The following CLSTN2 variants were observed in gnomAD, a reference collection of about 807,000 sequenced individuals.
The protein encoded by CLSTN2 is calsyntenin 2.
Under a neutral mutation model 101.2 loss-of-function variants are expected in CLSTN2, and 48 were observed. That is an observed-to-expected ratio of 0.47 (90% CI 0.38 to 0.60). CLSTN2 has a LOEUF of 0.60. CLSTN2 is among the 20% of genes least tolerant of loss of function. CLSTN2 has a pLI of 0.00. For synonymous variants in CLSTN2, 481 were observed against 463.6 expected (o/e 1.04, Z -0.48); for missense variants, 1,160 against 1,238.2 (o/e 0.94, Z 0.95).
chr3:139,950,814 C>G (rs926362591), intron 1 of CLSTN2, among the ~76,000 whole-genome samples: 1 of 152,134 alleles, frequency 6.6e-6, no homozygotes, highest in African/African-American at 2.4e-5. Context: ...CCCAACCATA[C>G]AAAAGGAAGT....
chr3:140,065,433 A>C (rs1465826479), intron 1 of CLSTN2, among the ~76,000 whole-genome samples: 2 of 152,228 alleles, frequency 1.3e-5, no homozygotes, highest in African/African-American at 2.4e-5. Flanking sequence ...GTTCAAATGC[A>C]ATTTTAACAG....
At chr3:140,427,962 A>G (rs1311633908) in intron 5 of CLSTN2, among the ~76,000 whole-genome samples, 1 of 152,134 alleles carries the variant, frequency 6.6e-6, no homozygotes, top group East Asian at 1.9e-4. Flanking sequence ...CTGGAGAAGG[A>G]CCTGCATCCC....
intron 2 of CLSTN2, among the ~76,000 whole-genome samples, chr3:140,334,314 A>T (rs919585313): frequency 1.3e-5 from 2 of 152,236 alleles, no homozygotes; most frequent in Non-Finnish European, 2.9e-5. Flanking sequence ...AGCCACTGAG[A>T]AATGACACAT....
intron 1 of CLSTN2, among the ~76,000 whole-genome samples, chr3:140,135,230 A>G (rs2009597962): frequency 6.7e-6 from 1 of 149,272 alleles, no homozygotes; most frequent in African/African-American, 2.5e-5. Context: ...AAAGACTTTC[A>G]TATCTTAGTA....
At chr3:140,451,479 G>T (rs1035875897) in intron 6 of CLSTN2, among the ~76,000 whole-genome samples, 1 of 152,076 alleles carries the variant, frequency 6.6e-6, no homozygotes, top group African/African-American at 2.4e-5. Context: ...CCATGGCACT[G>T]CCCCCCACAC....
chr3:140,469,893 C>A (rs925073435), intron 8 of CLSTN2, among the ~76,000 whole-genome samples: 2 of 152,172 alleles, frequency 1.3e-5, no homozygotes, highest in African/African-American at 4.8e-5. Context: ...GATCTTTAGA[C>A]TCATTTTATT....
intron 8 of CLSTN2, among the ~76,000 whole-genome samples, chr3:140,512,843 G>C (rs1160470046): frequency 6.6e-6 from 1 of 152,100 alleles, no homozygotes; most frequent in Non-Finnish European, 1.5e-5. Context: ...CTTGTTAGCT[G>C]TATTCCCAGG....
At chr3:140,137,827 A>C (rs2009637791) in intron 1 of CLSTN2, among the ~76,000 whole-genome samples, 1 of 152,182 alleles carries the variant, frequency 6.6e-6, no homozygotes, top group Non-Finnish European at 1.5e-5. Flanking sequence ...TGAGGAAGAC[A>C]TGTCAGAATG....
At chr3:140,337,580 GC>G (rs2107933688) in intron 2 of CLSTN2, among the ~76,000 whole-genome samples, 1 of 152,300 alleles carries the variant, frequency 6.6e-6, no homozygotes, top group South Asian at 2.1e-4. Flanking sequence ...GGGACACAGT[GC>G]AACACATGAC....
intron 8 of CLSTN2, among the ~76,000 whole-genome samples, chr3:140,517,186 T>C (rs1007784917): frequency 6.6e-6 from 1 of 152,230 alleles, no homozygotes; most frequent in Non-Finnish European, 1.5e-5. Flanking sequence ...TTGTGATTGT[T>C]TTTCACTTAT....
intron 2 of CLSTN2, among the ~76,000 whole-genome samples, chr3:140,187,947 A>G (rs2010506137): frequency 6.6e-6 from 1 of 152,154 alleles, no homozygotes; most frequent in Non-Finnish European, 1.5e-5. Context: ...TGATATCAGC[A>G]CTGATCAAAG....
chr3:140,076,654 C>T (rs1018982351), intron 1 of CLSTN2, among the ~76,000 whole-genome samples: 9 of 42,238 alleles, frequency 2.1e-4, no homozygotes, highest in South Asian at 6.0e-4. Flanking sequence ...TTTTTTTTTT[C>T]CTAGCCTTCG....
chr3:140,345,318 G>A (rs1036544825), intron 2 of CLSTN2, among the ~76,000 whole-genome samples: 2 of 148,772 alleles, frequency 1.3e-5, no homozygotes, highest in African/African-American at 5.0e-5. Context: ...GCGTGATCTC[G>A]GCTCACTGCA....
chr3:140,165,403 G>A (rs910046762), intron 1 of CLSTN2, among the ~76,000 whole-genome samples: 44 of 152,326 alleles, frequency 2.9e-4, no homozygotes, highest in African/African-American at 1.0e-3. Context: ...AGGAACTGTA[G>A]ACATCGTCAT....
At chr3:140,237,227 C>G (rs1219413680) in intron 2 of CLSTN2, among the ~76,000 whole-genome samples, 5 of 152,108 alleles carry the variant, frequency 3.3e-5, no homozygotes, top group East Asian at 3.8e-4. Context: ...GGGAACAGAT[C>G]AGCTGTTCTG....
Position 140,459,668 on chromosome 3 carries a change from A to G in CLSTN2, c.1121A>G (p.Asn374Ser). The change falls in exon 7 of 17, where the codon AAC becomes AGC. Residue 374 changes from asparagine (N) to serine (S), a missense_variant. Asn to Ser is a conservative substitution (Grantham distance 46). Transcript: ENST00000458420. ...GTCCCCGATGGGATTGTGCCCAAGA[A>G]CCTGACCGATCAGTTCACCATCACC... Reference protein sequence around the residue: ...AKVPDGIVPKNLTDQFTITMW... With the variant: ...AKVPDGIVPKSLTDQFTITMW... 2 of 1,614,110 alleles carry G rather than the reference A, an allele frequency of 1.2e-6. No individual in the cohort carries two copies. Among genetic ancestry groups the G allele is most frequent in the South Asian group, 2.2e-5 (2 of 91,076 alleles).
intron 1 of CLSTN2, among the ~76,000 whole-genome samples, chr3:139,958,734 G>C (rs900779056): frequency 1.3e-5 from 2 of 151,622 alleles, no homozygotes; most frequent in Admixed American, 6.6e-5. Context: ...TGGAACAATA[G>C]ATAGGCCGTG....
At chr3:140,230,763 C>T (rs1236258366) in intron 2 of CLSTN2, among the ~76,000 whole-genome samples, 3 of 152,172 alleles carry the variant, frequency 2.0e-5, no homozygotes, top group African/African-American at 4.8e-5. Context: ...CCAGCCTGAA[C>T]CAACTGGCAC....
At position 139,962,137 on chromosome 3, in the gene CLSTN2, T is replaced by A. The variant is rs143910991; in HGVS notation, c.109+26654T>A. 4.1e-3 allele frequency among the ~76,000 whole-genome samples: 625 copies of A among 152,274 alleles called. 5 individuals carry two copies. Among genetic ancestry groups the A allele is most frequent in the African/African-American group, 0.015 (605 of 41,556 alleles). On this transcript the variant is annotated intron_variant, in intron 1 of 16. Transcript: ENST00000458420. ...CTTATTTTATGTCCTTAGGATACAG[T>A]TCTAAAGGAAATATCAAAGAATAAA...
Sources: gnomAD v4.1 joint callset for allele counts (sites outside exome capture counted in the v4.1 genomes callset) on GRCh38, gnomAD v4.1.1 for gene constraint, MANE v1.5 for transcripts, NCBI Gene and HGNC (gene_info 2026-07-23, HGNC 2026-07-21) for gene names.